EVA1A: variants seen among roughly 807,000 people sequenced by gnomAD.
EVA1A encodes the protein protein eva-1 homolog A.
In EVA1A, 7 loss-of-function variants were observed where a neutral mutation model predicts 9.8. That is an observed-to-expected ratio of 0.71 (90% CI 0.41 to 1.34). The LOEUF is 1.34. EVA1A is among the 40% of genes most tolerant of loss of function. The probability of loss-of-function intolerance (pLI) is 0.01; values close to 1 mark genes in which losing one functional copy is unlikely to be tolerated. For missense variants in EVA1A, 206 were observed against 205.9 expected (o/e 1.00, Z 0.00); for synonymous variants, 90 against 85.6 (o/e 1.05, Z -0.28).
intron 1 of EVA1A, among the ~76,000 whole-genome samples, chr2:75,566,539 G>A (rs1391432785): frequency 6.6e-6 from 1 of 152,164 alleles, no homozygotes; most frequent in African/African-American, 2.4e-5. Flanking sequence ...AATGTAATGT[G>A]CCCGAAAAGG....
chr2:75,538,214 C>T (rs1361395780), intron 1 of EVA1A, among the ~76,000 whole-genome samples: 3 of 152,108 alleles, frequency 2.0e-5, no homozygotes, highest in Admixed American at 6.5e-5. Flanking sequence ...TGCTTGAATC[C>T]GGGAGGTGGA....
intron 1 of EVA1A, among the ~76,000 whole-genome samples, chr2:75,553,784 C>T (rs563370870): frequency 6.6e-6 from 1 of 152,316 alleles, no homozygotes; most frequent in Admixed American, 6.5e-5. Flanking sequence ...CCAGGCCAAC[C>T]ATTCCTGCCC....
At chr2:75,527,230 T>G (rs183963647) in intron 1 of EVA1A, among the ~76,000 whole-genome samples, 148 of 152,292 alleles carry the variant, frequency 9.7e-4, no homozygotes, top group Admixed American at 2.5e-3. Flanking sequence ...GCCTAGACTT[T>G]CACCCTTAAG....
chr2:75,505,894 T>G (rs1331171007), intron 3 of EVA1A, among the ~76,000 whole-genome samples: 1 of 150,980 alleles, frequency 6.6e-6, no homozygotes, highest in East Asian at 1.9e-4. Flanking sequence ...GTGTGTAGTA[T>G]AGTGAATATT....
intron 3 of EVA1A, among the ~76,000 whole-genome samples, chr2:75,499,503 G>A (rs1453387265): frequency 5.3e-5 from 8 of 152,130 alleles, no homozygotes; most frequent in African/African-American, 9.7e-5. Context: ...CAAAATCACT[G>A]GGATAAAGCA....
intron 3 of EVA1A, among the ~76,000 whole-genome samples, chr2:75,510,472 G>A (rs754237971): frequency 7.9e-5 from 12 of 152,062 alleles, no homozygotes; most frequent in Non-Finnish European, 1.2e-4. Flanking sequence ...GCCCAAATTC[G>A]TGACTATCAT....
intron 3 of EVA1A, among the ~76,000 whole-genome samples, chr2:75,507,872 G>A (rs1296438141): frequency 6.6e-6 from 1 of 152,176 alleles, no homozygotes; most frequent in Non-Finnish European, 1.5e-5. Flanking sequence ...TTTGTTGCGG[G>A]AAGTCAGGGA....
chr2:75,533,514 TATC>T lies in EVA1A; in HGVS notation c.-191-11030_-191-11028del, dbSNP rs565136036. 1.8e-4 allele frequency among the ~76,000 whole-genome samples: 28 copies of T among 152,318 alleles called. 1 individual carries two copies. The South Asian group carries it at 5.6e-3, about 30-fold the overall frequency. On this transcript the variant is annotated intron_variant, in intron 1 of 3. Transcript: ENST00000393913. ...AAGAAAGAAAAGAATTTTAAAAAGA[TATC>T]ATGAGATATCAAGAAAGAAGAAAGC...
chr2:75,504,933 T>C (rs1348439535), intron 3 of EVA1A, among the ~76,000 whole-genome samples: 1 of 152,198 alleles, frequency 6.6e-6, no homozygotes, highest in Non-Finnish European at 1.5e-5. Context: ...CTGCATGTTC[T>C]GCACACGTAT....
intron 3 of EVA1A, among the ~76,000 whole-genome samples, chr2:75,513,462 T>C (rs1343623777): frequency 2.0e-5 from 3 of 152,232 alleles, no homozygotes; most frequent in African/African-American, 7.2e-5. Flanking sequence ...TCTGTTTCTA[T>C]GTATTCAACA....
At chr2:75,539,095 C>T (rs1676021134) in intron 1 of EVA1A, among the ~76,000 whole-genome samples, 1 of 152,188 alleles carries the variant, frequency 6.6e-6, no homozygotes, top group Admixed American at 6.5e-5. Context: ...CATTTTAATG[C>T]ATAATCTTTA....
chr2:75,499,229 T>A (rs1674325204), intron 3 of EVA1A, among the ~76,000 whole-genome samples: 1 of 152,208 alleles, frequency 6.6e-6, no homozygotes, highest in South Asian at 2.1e-4. Context: ...CACTCTCATT[T>A]ATTAGTTAAA....
chr2:75,531,898 G>A (rs532045927), intron 1 of EVA1A, among the ~76,000 whole-genome samples: 5 of 152,084 alleles, frequency 3.3e-5, no homozygotes, highest in Non-Finnish European at 7.4e-5. Flanking sequence ...GGTGGCTCAC[G>A]CCTGTAATCC....
At chr2:75,559,533 G>A (rs1188325473) in intron 1 of EVA1A, among the ~76,000 whole-genome samples, 1 of 152,228 alleles carries the variant, frequency 6.6e-6, no homozygotes, top group Non-Finnish European at 1.5e-5. Flanking sequence ...TGACAGACTG[G>A]ATGACAAGAA....
At chr2:75,497,501 C>A (rs377071789) in intron 3 of EVA1A, among the ~76,000 whole-genome samples, 8 of 152,080 alleles carry the variant, frequency 5.3e-5, no homozygotes, top group Middle Eastern at 6.8e-3. Context: ...TCGCGCCAGT[C>A]AGAATGGCCA....
chr2:75,537,665 G>A (rs1460204764), intron 1 of EVA1A, among the ~76,000 whole-genome samples: 2 of 152,180 alleles, frequency 1.3e-5, no homozygotes, highest in Non-Finnish European at 2.9e-5. Flanking sequence ...GACCTGGTGG[G>A]AGGTGTTTGG....
intron 1 of EVA1A, among the ~76,000 whole-genome samples, chr2:75,548,297 T>C (rs573770923): frequency 2.4e-4 from 36 of 152,310 alleles, no homozygotes; most frequent in African/African-American, 8.4e-4. Flanking sequence ...CATGCCTGGC[T>C]AATATTTTTG....
chr2:75,525,785 G>A lies in EVA1A; in HGVS notation c.-191-3298C>T, dbSNP rs531584131. Among the ~76,000 whole-genome samples the A allele has an allele frequency of 6.6e-5, 10 of 152,306 alleles. No homozygotes were observed. The South Asian group carries it at 2.1e-3, about 32-fold the overall frequency. ...AAGGACCAGGGTTAAGAAATGATAT[G>A]GTCCTAGTCAAGACTTACGTGGTGG... On this transcript the variant is annotated intron_variant, in intron 1 of 3. Transcript: ENST00000393913.
chr2:75,565,403 C>T (rs900605802), upstream of EVA1A, among the ~76,000 whole-genome samples: 3 of 152,144 alleles, frequency 2.0e-5, no homozygotes, highest in South Asian at 2.1e-4. Flanking sequence ...GATCTTCAAA[C>T]GTCACCAGGA....
Sources: allele counts gnomAD v4.1 joint callset (sites outside exome capture counted in the v4.1 genomes callset), GRCh38; gene constraint gnomAD v4.1.1; transcripts MANE v1.5; gene names NCBI Gene and HGNC (gene_info 2026-07-23, HGNC 2026-07-21).